ADGRL3: variants seen among roughly 807,000 people sequenced by gnomAD.
ADGRL3 encodes the protein adhesion G protein-coupled receptor L3.
A neutral mutation model predicts 153.5 loss-of-function variants in ADGRL3; 62 were observed. That is an observed-to-expected ratio of 0.40 (90% confidence interval 0.33 to 0.50). The LOEUF (loss-of-function observed/expected upper bound fraction) is 0.50. Ranked by LOEUF, ADGRL3 falls within the 20% of genes least tolerant of loss-of-function variation. The probability of loss-of-function intolerance (pLI) is 0.47; values close to 1 mark genes in which losing one functional copy is unlikely to be tolerated. For missense variants in ADGRL3, 1,641 were observed against 1,859.4 expected (o/e 0.88, Z 2.16); for synonymous variants, 710 against 672.5 (o/e 1.06, Z -0.86).
intron 5 of ADGRL3, among the ~76,000 whole-genome samples, chr4:61,659,422 A>T (rs1330683576): frequency 6.6e-6 from 1 of 152,188 alleles, no homozygotes; most frequent in Non-Finnish European, 1.5e-5. Flanking sequence ...TGAGTTCTTG[A>T]AAGCATGTCC....
chr4:61,890,532 G>A (rs911948753), intron 9 of ADGRL3, among the ~76,000 whole-genome samples: 13 of 152,232 alleles, frequency 8.5e-5, no homozygotes, highest in African/African-American at 3.1e-4. Context: ...TGAGGGGGAG[G>A]GGCGGGGACA....
At chr4:61,979,903 G>T in intron 18 of ADGRL3, 131 bp downstream of exon 18, 1 of 786,776 alleles carries the variant, frequency 1.3e-6, no homozygotes. Flanking sequence ...TAATTTTCAG[G>T]CCTTACTCAG....
intron 9 of ADGRL3, among the ~76,000 whole-genome samples, chr4:61,822,438 C>T (rs993488546): frequency 2.0e-5 from 3 of 152,108 alleles, no homozygotes; most frequent in Non-Finnish European, 4.4e-5. Flanking sequence ...TCATGATTAT[C>T]ATATCTCTAG....
chr4:61,563,876 T>C (rs888498678), intron 4 of ADGRL3, among the ~76,000 whole-genome samples: 2 of 151,940 alleles, frequency 1.3e-5, no homozygotes, highest in Admixed American at 1.3e-4. Flanking sequence ...GGCGTGGTGG[T>C]GCGCGCCTGT....
intron 2 of ADGRL3, among the ~76,000 whole-genome samples, chr4:61,457,219 T>G (rs2097764941): frequency 6.6e-6 from 1 of 152,010 alleles, no homozygotes; most frequent in Admixed American, 6.6e-5. Flanking sequence ...ATAGAGTTAT[T>G]TAGTAGTTTA....
At chr4:61,613,377 C>A (rs2091617166) in intron 5 of ADGRL3, among the ~76,000 whole-genome samples, 1 of 152,110 alleles carries the variant, frequency 6.6e-6, no homozygotes, top group South Asian at 2.1e-4. Flanking sequence ...AAGACATGGT[C>A]ATGAAATTCT....
chr4:62,001,001 C>G (rs184360227), intron 21 of ADGRL3, among the ~76,000 whole-genome samples: 2 of 151,996 alleles, frequency 1.3e-5, no homozygotes, highest in Admixed American at 6.6e-5. Flanking sequence ...CCAGGCTGGT[C>G]TCGAACTCCT....
intron 4 of ADGRL3, among the ~76,000 whole-genome samples, chr4:61,578,013 G>A (rs777968736): frequency 4.6e-5 from 7 of 151,980 alleles, no homozygotes; most frequent in Non-Finnish European, 1.0e-4. Flanking sequence ...TTCCTGCCAA[G>A]CACAATAAGT....
chr4:61,775,582 AC>A, intron 8 of ADGRL3: 1 of 961,012 alleles, frequency 1.0e-6, no homozygotes, highest in East Asian at 2.4e-5. Context: ...ACAGAGGCCT[AC>A]CCTTTCCCCT....
At chr4:61,454,804 A>G (rs1217974217) in intron 2 of ADGRL3, among the ~76,000 whole-genome samples, 3 of 152,178 alleles carry the variant, frequency 2.0e-5, no homozygotes, top group South Asian at 2.1e-4. Flanking sequence ...ATGTGGTTGA[A>G]TAGAATGGAA....
intron 1 of ADGRL3, among the ~76,000 whole-genome samples, chr4:61,284,262 A>G (rs1158013619): frequency 6.6e-6 from 1 of 151,990 alleles, no homozygotes; most frequent in Admixed American, 6.6e-5. Context: ...ACTTCTTTAG[A>G]GGTAGCAGCT....
At chr4:61,665,560 A>G (rs2094764065) in intron 5 of ADGRL3, among the ~76,000 whole-genome samples, 1 of 152,236 alleles carries the variant, frequency 6.6e-6, no homozygotes, top group African/African-American at 2.4e-5. Context: ...AGAATTTCAT[A>G]AAATCCAAGC....
At chr4:61,310,245 C>T (rs543752066) in intron 1 of ADGRL3, among the ~76,000 whole-genome samples, 1 of 151,716 alleles carries the variant, frequency 6.6e-6, no homozygotes, top group East Asian at 2.0e-4. Flanking sequence ...ATAAAATGGG[C>T]CAGGTTTCAT....
At chr4:61,617,281 A>G (rs2092105524) in intron 5 of ADGRL3, among the ~76,000 whole-genome samples, 1 of 152,156 alleles carries the variant, frequency 6.6e-6, no homozygotes, top group Non-Finnish European at 1.5e-5. Context: ...TATTAATTCC[A>G]ATGTATGTTA....
At chr4:61,918,557 T>C (rs932924131) in intron 13 of ADGRL3, among the ~76,000 whole-genome samples, 2 of 151,096 alleles carry the variant, frequency 1.3e-5, no homozygotes, top group Non-Finnish European at 3.0e-5. Context: ...TATGAAGAGG[T>C]TGGGGAAATG....
At chr4:61,371,319 C>G (rs1408966219) in intron 1 of ADGRL3, among the ~76,000 whole-genome samples, 8 of 150,814 alleles carry the variant, frequency 5.3e-5, no homozygotes, top group Non-Finnish European at 8.9e-5. Flanking sequence ...CAGTTTCTTC[C>G]TAGTCTCGAT....
Position 61,990,200 on chromosome 4 carries a change from T to G in ADGRL3, c.3237-6091T>G, listed in dbSNP as rs190191264. 1.8e-4 allele frequency among the ~76,000 whole-genome samples: 27 copies of G among 152,210 alleles called. No individual in the cohort carries two copies. In the East Asian group the frequency reaches 2.7e-3, roughly 15 times the overall value. ...AATACCTAAATGATGGAGTATTTTTTGGCAATAAAAATGAAGTATTAACAC... is the reference window on the plus strand; with the variant it reads ...AATACCTAAATGATGGAGTATTTTTGGGCAATAAAAATGAAGTATTAACAC... On this transcript the variant is annotated intron_variant, in intron 19 of 26. Coordinates refer to ENST00000683033, the MANE Select transcript of ADGRL3 (RefSeq NM_001387552.1).
At chr4:61,561,293 G>T (rs1004045645) in intron 4 of ADGRL3, among the ~76,000 whole-genome samples, 11 of 152,084 alleles carry the variant, frequency 7.2e-5, no homozygotes, top group African/African-American at 2.7e-4. Context: ...CAATCTTCTG[G>T]TTTAAGACAA....
At chr4:61,493,806 G>A (rs974666261) in intron 2 of ADGRL3, among the ~76,000 whole-genome samples, 8 of 152,136 alleles carry the variant, frequency 5.3e-5, no homozygotes, top group Non-Finnish European at 1.2e-4. Flanking sequence ...CACAATTAAC[G>A]TTCCTAATTA....
Sources: gnomAD v4.1 joint callset for allele counts (sites outside exome capture counted in the v4.1 genomes callset) on GRCh38, gnomAD v4.1.1 for gene constraint, MANE v1.5 for transcripts, NCBI Gene and HGNC (gene_info 2026-07-23, HGNC 2026-07-21) for gene names.